Variants in PSKH1 observed in about 807,000 individuals in gnomAD.
The protein encoded by PSKH1 is serine/threonine-protein kinase H1.
In PSKH1, 12 loss-of-function variants were observed where a neutral mutation model predicts 26.7. The ratio of observed to expected loss-of-function variants is 0.45; its 90% CI spans 0.29 to 0.73. The LOEUF (loss-of-function observed/expected upper bound fraction) is 0.73, where lower values mean the gene tolerates loss of function less well. Among genes scored for constraint, PSKH1 ranks in the 30% least tolerant of loss-of-function variants. The pLI is 0.11. For missense variants in PSKH1, 431 were observed against 595.2 expected (o/e 0.72, Z 2.87); for synonymous variants, 213 against 234.3 (o/e 0.91, Z 0.83).
chr16:67,911,650 C>A (rs567287502), intron 2 of PSKH1, among the ~76,000 whole-genome samples: 5 of 152,224 alleles, frequency 3.3e-5, no homozygotes, highest in Admixed American at 2.6e-4. Context: ...CCATTGCACT[C>A]CAGCCTGGGC....
In PSKH1 at chr16:67,909,272, G is replaced by A. The variant is rs747940857; in HGVS notation, c.523G>A (p.Ala175Thr). The change falls in exon 2 of 3, where the codon GCC becomes ACC. Residue 175 changes from alanine to threonine, a missense_variant. Ala to Thr is a moderately conservative substitution (Grantham distance 58). Transcript: ENST00000291041. This position sits in a 1 kb window ranked among gnomAD's most constrained non-coding sequence, Gnocchi z 7.8. Reference sequence around the variant, plus strand: ...GCGGGTGTACATGGTGATGGAGCTGGCCACTGGTGGAGAGCTCTTTGACCG... The same window carrying A: ...GCGGGTGTACATGGTGATGGAGCTGACCACTGGTGGAGAGCTCTTTGACCG... ...QERVYMVMEL[A>T]TGGELFDRII... 6.2e-7 allele frequency: 1 copy of A among 1,614,128 alleles called. No individual in the cohort carries two copies. Among genetic ancestry groups the A allele is most frequent in the Non-Finnish European group, 8.5e-7 (1 of 1,180,030 alleles).
intron 2 of PSKH1, among the ~76,000 whole-genome samples, chr16:67,923,307 T>G (rs892216695): frequency 3.3e-5 from 5 of 152,158 alleles, no homozygotes; most frequent in African/African-American, 1.2e-4. Flanking sequence ...AAGGACTCTT[T>G]TGAGGGCCAT....
At chr16:67,901,406 A>T (rs1196448997) in intron 1 of PSKH1, among the ~76,000 whole-genome samples, 1 of 152,064 alleles carries the variant, frequency 6.6e-6, no homozygotes, top group Non-Finnish European at 1.5e-5. Context: ...ATCTCAGCTC[A>T]CTGCAACCTC....
chr16:67,901,997 C>T (rs1444600473), intron 1 of PSKH1, among the ~76,000 whole-genome samples: 2 of 152,076 alleles, frequency 1.3e-5, no homozygotes, highest in Non-Finnish European at 1.5e-5. Context: ...CAGTGGCTCA[C>T]ACCTGTAATT....
intron 1 of PSKH1, among the ~76,000 whole-genome samples, chr16:67,906,052 C>T (rs2058155100): frequency 6.6e-6 from 1 of 151,834 alleles, no homozygotes. Flanking sequence ...GTTCATTTCT[C>T]TTCCAGTTCT....
At chr16:67,898,865 C>T (rs1598185770) in intron 1 of PSKH1, among the ~76,000 whole-genome samples, 1 of 152,110 alleles carries the variant, frequency 6.6e-6, no homozygotes, top group East Asian at 1.9e-4. Flanking sequence ...TCGTGATCCG[C>T]CTGCCTCAGC....
At chr16:67,913,003 C>T (rs940126987) in intron 2 of PSKH1, among the ~76,000 whole-genome samples, 7 of 151,900 alleles carry the variant, frequency 4.6e-5, no homozygotes, top group African/African-American at 1.7e-4. Context: ...GCCTGGGCAA[C>T]ATAGCGAGAC....
At position 67,927,617 on chromosome 16, in the gene PSKH1, G is replaced by T; in HGVS notation, c.1250G>T (p.Arg417Leu). ...CGGGAGCTGCGGGAGCTCAACCTGCGCTACCAGCAGCAATACAATGGCTGA... is the reference window on the plus strand; with the variant it reads ...CGGGAGCTGCGGGAGCTCAACCTGCTCTACCAGCAGCAATACAATGGCTGA... Reference protein sequence around the residue: ...RERELRELNLRYQQQYNG With the variant: ...RERELRELNLLYQQQYNG The change falls in exon 3 of 3, where the codon CGC becomes CTC. Residue 417 changes from arginine (R) to leucine (L), a missense_variant. Coordinates refer to ENST00000291041, the MANE Select transcript of PSKH1 (RefSeq NM_006742.3). This position sits in a 1 kb window ranked among gnomAD's most constrained non-coding sequence, Gnocchi z 5.5. 6.2e-7 allele frequency: 1 copy of T among 1,607,808 alleles called. No homozygotes were observed.
rs773383066 is a variant in PSKH1, at chr16:67,909,456, T to C, written c.707T>C (p.Ile236Thr). Residue 236 changes from isoleucine (I) to threonine (T), a missense_variant, in exon 2 of 3, where the codon ATC becomes ACC. Coordinates refer to ENST00000291041, the MANE Select transcript of PSKH1 (RefSeq NM_006742.3). This position sits in a 1 kb window ranked among gnomAD's most constrained non-coding sequence, Gnocchi z 7.8. ...CATCCGGGCACTGACTCCAAGATCA[T>C]CATCACCGACTTCGGCCTGGCCAGT... is the stretch of plus-strand genomic sequence containing the variant. ...YYHPGTDSKI[I>T]ITDFGLASAR... 6.2e-7 allele frequency: 1 copy of C among 1,613,198 alleles called. No individual in the cohort carries two copies. The highest frequency in any genetic ancestry group is 2.2e-5 in the East Asian group (1 of 44,820).
chr16:67,907,112 T>C (rs1323019410), intron 1 of PSKH1, among the ~76,000 whole-genome samples: 2 of 147,222 alleles, frequency 1.4e-5, no homozygotes, highest in Admixed American at 6.8e-5. Flanking sequence ...TACAGGCGCC[T>C]GCCACCACGC....
rs2151315784 is a variant in PSKH1 at position 67,927,351 on chromosome 16, C to T, written c.984C>T (p.Ala328=). 6.2e-7 allele frequency: 1 copy of T among 1,612,836 alleles called. No individual in the cohort carries two copies. Among genetic ancestry groups the T allele is most frequent in the African/African-American group, 1.3e-5 (1 of 75,036 alleles). Residue 328 remains alanine (A), a synonymous_variant, in exon 3 of 3, where the codon GCC becomes GCT. Transcript: ENST00000291041. This position sits in a 1 kb window ranked among gnomAD's most constrained non-coding sequence, Gnocchi z 5.5. ...CCTGGCCTAGTGTGTCCAACCTGGC[C>T]AAGGACTTCATTGACCGCCTGCTGA... ...GEPWPSVSNL[A]KDFIDRLLTV... is the part of the protein sequence containing the mutation.
chr16:67,901,569 G>A (rs1293041381), intron 1 of PSKH1, among the ~76,000 whole-genome samples: 2 of 151,122 alleles, frequency 1.3e-5, no homozygotes, highest in Non-Finnish European at 2.9e-5. Flanking sequence ...CTGAGCTCAG[G>A]CAATCCACCT....
chr16:67,909,684 GCAAGTA>G lies in PSKH1; in HGVS notation c.938_943del (p.Lys313_Tyr314del), dbSNP rs757579661. 1 of 1,612,326 alleles carries G rather than the reference GCAAGTA, an allele frequency of 6.2e-7. No homozygotes were observed. Among genetic ancestry groups the G allele is most frequent in the South Asian group, 1.1e-5 (1 of 91,002 alleles). ...CGGCTGTACCGGCAGATCCTCAGGG[GCAAGTA>G]CAGTTACTCTGGGGAGGTGAGTCTG... On this transcript the variant is annotated inframe_deletion, in exon 2 of 3. Coordinates refer to ENST00000291041, the MANE Select transcript of PSKH1 (RefSeq NM_006742.3). This position sits in a 1 kb window ranked among gnomAD's most constrained non-coding sequence, Gnocchi z 7.8.
At chr16:67,907,680 G>A (rs1436084431) in intron 1 of PSKH1, among the ~76,000 whole-genome samples, 1 of 152,184 alleles carries the variant, frequency 6.6e-6, no homozygotes, top group Non-Finnish European at 1.5e-5. Flanking sequence ...CCTTGTGTGG[G>A]ATTTCAGCCA....
chr16:67,894,744 A>G (rs192445622), intron 1 of PSKH1, among the ~76,000 whole-genome samples: 2 of 152,300 alleles, frequency 1.3e-5, no homozygotes, highest in Admixed American at 6.5e-5. Context: ...ATGCTGACTT[A>G]TGAATGGATA....
chr16:67,904,987 C>T (rs752198292), intron 1 of PSKH1, among the ~76,000 whole-genome samples: 33 of 151,890 alleles, frequency 2.2e-4, no homozygotes, highest in East Asian at 1.3e-3. Flanking sequence ...CCACCACGTC[C>T]GGCTAATTTT....
At chr16:67,919,853 G>A (rs2058197170) in intron 2 of PSKH1, among the ~76,000 whole-genome samples, 1 of 152,220 alleles carries the variant, frequency 6.6e-6, no homozygotes, top group South Asian at 2.1e-4. Context: ...GGGCTCCCCA[G>A]AGCCCTGTCC....
intron 1 of PSKH1, chr16:67,903,181 TTCTG>T (rs1187918188): frequency 6.6e-6 from 1 of 152,084 alleles, no homozygotes; most frequent in Non-Finnish European, 1.5e-5. Flanking sequence ...CAGACAGGAT[TTCTG>T]TCTCCCAGGC....
intron 2 of PSKH1, among the ~76,000 whole-genome samples, chr16:67,922,098 G>A (rs2058204244): frequency 6.6e-6 from 1 of 151,468 alleles, no homozygotes. Flanking sequence ...GCCCTCTGCC[G>A]AGTCCCAGGG....
Sources: gnomAD v4.1 joint callset for allele counts (sites outside exome capture counted in the v4.1 genomes callset) on GRCh38, gnomAD v4.1.1 for gene constraint, Gnocchi (gnomAD v3.1) non-coding constraint, MANE v1.5 for transcripts, NCBI Gene and HGNC (gene_info 2026-07-23, HGNC 2026-07-21) for gene names.